Variants in TADA2A observed in about 807,000 individuals in gnomAD.
TADA2A encodes the protein transcriptional adaptor 2A, also known as transcriptional adapter 2-alpha.
TADA2A carries 38 observed loss-of-function variants against 67.4 expected under a neutral mutation model. That is an observed-to-expected ratio of 0.56 (90% CI 0.44 to 0.74). TADA2A has a LOEUF of 0.74. TADA2A is among the 30% of genes least tolerant of loss of function. The pLI is 0.00. For missense variants in TADA2A, 454 were observed against 547.0 expected (o/e 0.83, Z 1.70); for synonymous variants, 192 against 181.6 (o/e 1.06, Z -0.46).
At chr17:37,456,393 G>A (rs981734721) in intron 8 of TADA2A, among the ~76,000 whole-genome samples, 1 of 152,172 alleles carries the variant, frequency 6.6e-6, no homozygotes, top group Admixed American at 6.5e-5. Flanking sequence ...AGGCAAGAAT[G>A]GAGTCGATAA....
At chr17:37,422,906 G>A (rs2147924724) in intron 2 of TADA2A, among the ~76,000 whole-genome samples, 2 of 152,234 alleles carry the variant, frequency 1.3e-5, no homozygotes, top group Admixed American at 1.3e-4. Flanking sequence ...TTATGCTCCT[G>A]GAAAAATAAG....
chr17:37,418,442 T>C (rs994376349), intron 2 of TADA2A, among the ~76,000 whole-genome samples: 9 of 152,074 alleles, frequency 5.9e-5, no homozygotes, highest in African/African-American at 2.2e-4. Flanking sequence ...AGGGGGGAGT[T>C]GAGTACAATT....
intron 2 of TADA2A, among the ~76,000 whole-genome samples, chr17:37,420,442 G>T (rs1218796000): frequency 2.8e-5 from 4 of 141,078 alleles, no homozygotes; most frequent in Non-Finnish European, 4.7e-5. Flanking sequence ...ACCCAGGCTG[G>T]AGTGCAATGG....
chr17:37,407,586 G>A (rs895766631), intron 1 of TADA2A: 2 of 152,260 alleles, frequency 1.3e-5, no homozygotes, highest in African/African-American at 4.8e-5. Flanking sequence ...TCTTGTGAAA[G>A]GGGGAGAAAG....
At chr17:37,457,518 G>A (rs1353924414) in intron 8 of TADA2A, among the ~76,000 whole-genome samples, 8 of 94,202 alleles carry the variant, frequency 8.5e-5, no homozygotes, top group Admixed American at 7.7e-4. Context: ...TTTTTTTTGA[G>A]ACGAGTCTCG....
At chr17:37,430,997 T>C (rs1165782656) in intron 4 of TADA2A, among the ~76,000 whole-genome samples, 1 of 152,150 alleles carries the variant, frequency 6.6e-6, no homozygotes. Context: ...TCGTAGTACG[T>C]GCTCAGATGA....
chr17:37,475,571 C>G (rs2053876602), intron 15 of TADA2A, among the ~76,000 whole-genome samples: 1 of 152,094 alleles, frequency 6.6e-6, no homozygotes, highest in South Asian at 2.1e-4. Context: ...CTCCCGGGTT[C>G]AAACGATTCT....
chr17:37,454,299 CT>C (rs34841409), intron 8 of TADA2A: 62,465 of 107,184 alleles, frequency 0.58, 16,444 homozygotes, highest in East Asian at 0.89. Flanking sequence ...TTCTTTCTTT[CT>C]TTTTTTTTTT....
chr17:37,427,068 T>G (rs772152627), intron 4 of TADA2A, 59 bp downstream of exon 4: 21 of 1,432,988 alleles, frequency 1.5e-5, no homozygotes, highest in Non-Finnish European at 1.8e-5. Context: ...GACTGGGAAG[T>G]AGTTTTTCTT....
At chr17:37,469,440 C>T (rs552675961) in intron 12 of TADA2A, among the ~76,000 whole-genome samples, 2 of 151,808 alleles carry the variant, frequency 1.3e-5, no homozygotes, top group African/African-American at 4.8e-5. Flanking sequence ...TCAAGACCAG[C>T]CTGACCAACA....
At chr17:37,474,657 A>G (rs2053856958) in intron 15 of TADA2A, 28 bp downstream of exon 15, 2 of 1,595,120 alleles carry the variant, frequency 1.3e-6, no homozygotes, top group Non-Finnish European at 8.6e-7. Flanking sequence ...GCTGGGAGAA[A>G]GAGAATAGGG....
In TADA2A at chr17:37,420,803, A is replaced by G. The variant is rs76524095; in HGVS notation, c.26-2706A>G. ...TTAGGGAGGCAAATACTGTTACAGAATGTGAGAAATCCTGTTCCAGGCTGA... is the reference window on the plus strand; with the variant it reads ...TTAGGGAGGCAAATACTGTTACAGAGTGTGAGAAATCCTGTTCCAGGCTGA... On this transcript the variant is annotated intron_variant, in intron 2 of 15. Transcript: ENST00000615182. 2.4e-4 allele frequency among the ~76,000 whole-genome samples: 36 copies of G among 147,096 alleles called. 2 individuals are homozygous for G. Among genetic ancestry groups the G allele is most frequent in the Non-Finnish European group, 4.9e-4 (32 of 65,804 alleles).
Position 37,426,960 on chromosome 17 carries a change from G to A in TADA2A, c.143G>A (p.Arg48Gln), listed in dbSNP as rs751557109. The A allele has an allele frequency of 3.3e-5, 53 of 1,597,232 alleles. No homozygotes were observed. Among genetic ancestry groups the A allele is most frequent in the Middle Eastern group, 3.3e-4 (2 of 6,038 alleles). ...TTTCTTTCTTTGCAGTGTTTCACTC[G>A]AGGCTTTGAGTACAAGAAACATCAA... ...PFFLCLQCFTRGFEYKKHQSD... is the reference protein window; with the variant it reads ...PFFLCLQCFTQGFEYKKHQSD... Residue 48 changes from arginine (R) to glutamine (Q), a missense_variant, in exon 4 of 16, where the codon CGA becomes CAA. Coordinates refer to ENST00000615182, the MANE Select transcript of TADA2A (RefSeq NM_001166105.3).
Position 37,421,655 on chromosome 17 carries a change from G to T in TADA2A, c.26-1854G>T, listed in dbSNP as rs1227993289. 2.1e-5 allele frequency among the ~76,000 whole-genome samples: 3 copies of T among 145,814 alleles called. 1 individual carries two copies. The highest frequency in any genetic ancestry group is 4.6e-5 in the Non-Finnish European group (3 of 65,458). ...AAATTTTAAAAAAGTACCCGGGTGT[G>T]GTGGCTTGTGCCTGTAGTCCCTGCT... On this transcript the variant is annotated intron_variant, in intron 2 of 15. Transcript: ENST00000615182.
At position 37,423,516 on chromosome 17, in the gene TADA2A, C is replaced by T. The variant is rs138178971; in HGVS notation, c.33C>T (p.Pro11=). 1.2e-6 allele frequency: 2 copies of T among 1,610,420 alleles called. No individual in the cohort carries two copies. The highest frequency in any genetic ancestry group is 1.7e-5 in the Admixed American group (1 of 58,752). Residue 11 remains proline (P), a synonymous_variant, in exon 3 of 16, where the codon CCC becomes CCT. Transcript: ENST00000615182. MDRLGSFSND[P]SDKPPCRGCS... The stretch of plus-strand genomic sequence containing the variant: ...GTTTTCTGTTTGTTCTAGATGATCC[C>T]TCTGATAAGCCACCTTGCCGAGGCT...
intron 11 of TADA2A, chr17:37,465,762 T>G (rs1014281240): frequency 7.4e-6 from 5 of 675,074 alleles, no homozygotes; most frequent in African/African-American, 5.4e-5. Flanking sequence ...AAACAATAAT[T>G]TAGTAGTTTT....
intron 8 of TADA2A, among the ~76,000 whole-genome samples, chr17:37,446,877 G>A (rs2053098113): frequency 6.6e-6 from 1 of 152,076 alleles, no homozygotes; most frequent in South Asian, 2.1e-4. Flanking sequence ...AGTTCCTTCT[G>A]GTTCACTTGG....
intron 8 of TADA2A, among the ~76,000 whole-genome samples, chr17:37,451,357 A>G (rs1431208433): frequency 7.3e-6 from 1 of 136,236 alleles, no homozygotes; most frequent in Non-Finnish European, 1.5e-5. Flanking sequence ...CGCCCTCTGT[A>G]GCCCAGGTTG....
chr17:37,413,640 A>C (rs1324974407), intron 2 of TADA2A, among the ~76,000 whole-genome samples: 1 of 151,812 alleles, frequency 6.6e-6, no homozygotes, highest in African/African-American at 2.4e-5. Flanking sequence ...TTGAATTCCT[A>C]GGCTCAAGCG....
Sources: allele counts gnomAD v4.1 joint callset (sites outside exome capture counted in the v4.1 genomes callset), GRCh38; gene constraint gnomAD v4.1.1; transcripts MANE v1.5; gene names NCBI Gene and HGNC (gene_info 2026-07-23, HGNC 2026-07-21).